Variants in NTM observed in about 807,000 individuals in gnomAD.
NTM encodes neurotrimin.
In NTM, 13 loss-of-function variants were observed where a neutral mutation model predicts 42.1. That is an observed-to-expected ratio of 0.31 (90% CI 0.20 to 0.49). NTM has a LOEUF of 0.49. NTM is among the 20% of genes least tolerant of loss of function. NTM has a pLI of 0.99. For synonymous variants in NTM, 187 were observed against 179.2 expected (o/e 1.04, Z -0.35); for missense variants, 373 against 452.8 (o/e 0.82, Z 1.60).
chr11:131,600,378 A>T (rs2060372879), intron 1 of NTM, among the ~76,000 whole-genome samples: 1 of 152,210 alleles, frequency 6.6e-6, no homozygotes, highest in Non-Finnish European at 1.5e-5. Flanking sequence ...TAGAAAAGTG[A>T]TTAAAATATA....
intron 1 of NTM, among the ~76,000 whole-genome samples, chr11:131,909,356 T>C (rs1592749324): frequency 6.6e-6 from 1 of 152,230 alleles, no homozygotes; most frequent in African/African-American, 2.4e-5. Context: ...GAATGAGTAT[T>C]GTACCGAAGC....
chr11:132,314,638 A>G lies in NTM; in HGVS notation c.869A>G (p.Tyr290Cys). Residue 290 changes from tyrosine to cysteine, a missense_variant, in exon 7 of 9, where the codon TAT (tyrosine) becomes TGT (cysteine). Tyr to Cys is a radical substitution (Grantham distance 194). Coordinates refer to ENST00000683400, the MANE Select transcript of NTM (RefSeq NM_001352005.2). ...LIFFNVSEHDYGNYTCVASNK... is the reference protein window; with the variant it reads ...LIFFNVSEHDCGNYTCVASNK... The stretch of plus-strand genomic sequence containing the variant: ...TTCTTCAATGTCTCTGAACATGACT[A>G]TGGGAACTACACTTGCGTGGCCTCC... 6.2e-7 allele frequency: 1 copy of G among 1,613,980 alleles called. No individual in the cohort carries two copies. The highest frequency in any genetic ancestry group is 8.5e-7 in the Non-Finnish European group (1 of 1,179,930).
At chr11:131,719,588 T>C (rs1592692207) in intron 1 of NTM, among the ~76,000 whole-genome samples, 1 of 152,332 alleles carries the variant, frequency 6.6e-6, no homozygotes, top group East Asian at 1.9e-4. Context: ...ATTGACTTTC[T>C]GGATGGTCCT....
Position 131,456,676 on chromosome 11 carries a change from C to T in NTM, c.82+85788C>T, listed in dbSNP as rs138817938. ...TATCATGAATAATGTTAATTTGGAG[C>T]CAAAGAACCTCCTTGCCGATAGAGA... On this transcript the variant is annotated intron_variant, in intron 1 of 8. Coordinates refer to ENST00000683400, the MANE Select transcript of NTM (RefSeq NM_001352005.2). Among the ~76,000 whole-genome samples the T allele has an allele frequency of 3.3e-5, 5 of 152,222 alleles. No individual in the cohort carries two copies. In the East Asian group the frequency reaches 9.7e-4, roughly 29 times the overall value.
At chr11:131,725,449 T>C (rs1166501782) in intron 1 of NTM, among the ~76,000 whole-genome samples, 4 of 151,830 alleles carry the variant, frequency 2.6e-5, no homozygotes, top group South Asian at 2.1e-4. Context: ...TTAGAAGTAA[T>C]ATGATCAGAG....
At chr11:132,000,788 A>G (rs2069067096) in intron 2 of NTM, among the ~76,000 whole-genome samples, 1 of 152,220 alleles carries the variant, frequency 6.6e-6, no homozygotes, top group Admixed American at 6.5e-5. Flanking sequence ...GGAATTCATA[A>G]ACAAATAGAA....
chr11:131,908,677 C>A (rs617814), intron 1 of NTM, among the ~76,000 whole-genome samples: 133,911 of 152,306 alleles, frequency 0.88, 59,198 homozygotes, highest in East Asian at 1. Flanking sequence ...CTTGTGGAGA[C>A]GAAGCCCAAA....
At chr11:132,244,955 G>A (rs931810981) in intron 4 of NTM, among the ~76,000 whole-genome samples, 2 of 152,214 alleles carry the variant, frequency 1.3e-5, no homozygotes, top group Non-Finnish European at 2.9e-5. Context: ...CAGGTTGTAC[G>A]TTTGCGCCCG....
At chr11:131,883,388 C>G (rs1461100459) in intron 1 of NTM, among the ~76,000 whole-genome samples, 1 of 152,186 alleles carries the variant, frequency 6.6e-6, no homozygotes, top group African/African-American at 2.4e-5. Context: ...AAGTAGGTCA[C>G]CTCTTCTCTC....
At chr11:132,183,306 C>A (rs2077863777) in intron 3 of NTM, among the ~76,000 whole-genome samples, 4 of 152,184 alleles carry the variant, frequency 2.6e-5, no homozygotes, top group African/African-American at 2.4e-5. Context: ...CCACTGGCCA[C>A]ATTTGGCAGT....
chr11:131,520,222 A>G (rs1202218896), intron 1 of NTM, among the ~76,000 whole-genome samples: 1 of 152,208 alleles, frequency 6.6e-6, no homozygotes, highest in African/African-American at 2.4e-5. Context: ...TATATTAAAC[A>G]TCTAGCACAT....
intron 1 of NTM, among the ~76,000 whole-genome samples, chr11:131,410,839 C>A (rs903889089): frequency 3.3e-5 from 5 of 152,060 alleles, no homozygotes; most frequent in Non-Finnish European, 7.4e-5. Context: ...TCCTACTGCT[C>A]GAGGGCATCA....
rs561462735 is a variant in NTM at position 132,298,546 on chromosome 11, A to ATCTGCAAAGAAAACCCACG, written c.527-9140_527-9122dup. ...GGGCCAGCCCAGCTTCTGAAGCCACATCTGCAAAGAAAACCCACGTCATGT... is the reference window on the plus strand; with the variant it reads ...GGGCCAGCCCAGCTTCTGAAGCCACATCTGCAAAGAAAACCCACGTCTGCAAAGAAAACCCACGTCATGT... On this transcript the variant is annotated intron_variant, in intron 4 of 8. Transcript: ENST00000683400. Among the ~76,000 whole-genome samples the ATCTGCAAAGAAAACCCACG allele has an allele frequency of 6.6e-3, 1,011 of 152,238 alleles. 10 individuals are homozygous for ATCTGCAAAGAAAACCCACG. Among genetic ancestry groups the ATCTGCAAAGAAAACCCACG allele is most frequent in the African/African-American group, 0.023 (965 of 41,534 alleles).
intron 1 of NTM, among the ~76,000 whole-genome samples, chr11:131,686,560 G>A (rs2073900607): frequency 6.6e-6 from 1 of 152,182 alleles, no homozygotes; most frequent in Non-Finnish European, 1.5e-5. Flanking sequence ...CTGTCTCAAG[G>A]GTGGCGGAGG....
intron 1 of NTM, among the ~76,000 whole-genome samples, chr11:131,820,073 C>G (rs938423558): frequency 6.6e-6 from 1 of 152,156 alleles, no homozygotes; most frequent in African/African-American, 2.4e-5. Context: ...TATTAACTAA[C>G]AGAGAATTGC....
intron 1 of NTM, among the ~76,000 whole-genome samples, chr11:131,889,959 T>A (rs909213096): frequency 6.6e-6 from 1 of 152,018 alleles, no homozygotes; most frequent in African/African-American, 2.4e-5. Flanking sequence ...CTTTCCCAAA[T>A]CCCTTGTATT....
At chr11:131,725,511 G>A (rs982645411) in intron 1 of NTM, among the ~76,000 whole-genome samples, 2 of 152,048 alleles carry the variant, frequency 1.3e-5, no homozygotes, top group Non-Finnish European at 2.9e-5. Context: ...GAGCCATGTC[G>A]ACATCTCAGA....
intron 1 of NTM, among the ~76,000 whole-genome samples, chr11:131,698,806 C>T (rs1340914848): frequency 2.6e-5 from 4 of 152,156 alleles, no homozygotes; most frequent in Admixed American, 2.6e-4. Context: ...ACATTGTAGC[C>T]CAGATATGAT....
At chr11:132,220,503 T>TA (rs1197543840) in intron 4 of NTM, among the ~76,000 whole-genome samples, 33 of 152,248 alleles carry the variant, frequency 2.2e-4, no homozygotes, top group African/African-American at 6.7e-4. Context: ...AGAGAAATAA[T>TA]AAAAAGACTA....
Sources: gnomAD v4.1 joint callset for allele counts (sites outside exome capture counted in the v4.1 genomes callset) on GRCh38, gnomAD v4.1.1 for gene constraint, MANE v1.5 for transcripts, NCBI Gene and HGNC (gene_info 2026-07-23, HGNC 2026-07-21) for gene names.